Variants in PCDH9 observed in about 807,000 individuals in gnomAD.
PCDH9 encodes protocadherin-9.
In PCDH9, 24 loss-of-function variants were observed where a neutral mutation model predicts 70.6. That is an observed-to-expected ratio of 0.34 (90% CI 0.25 to 0.48). The LOEUF (loss-of-function observed/expected upper bound fraction) is 0.48, where lower values mean the gene tolerates loss of function less well. PCDH9 is among the 20% of genes least tolerant of loss of function. The pLI, the probability that PCDH9 is intolerant of heterozygous loss-of-function variation, is 0.99. For missense variants in PCDH9, 1,281 were observed against 1,503.6 expected, an observed-to-expected ratio of 0.85 and a Z score of 2.45; for synonymous variants, 562 against 558.5, an observed-to-expected ratio of 1.01 and a Z score of -0.09.
chr13:66,824,063 A>AT (rs2080764742), intron 3 of PCDH9, among the ~76,000 whole-genome samples: 1 of 151,924 alleles, frequency 6.6e-6, no homozygotes, highest in African/African-American at 2.4e-5. Flanking sequence ...AATTTCTTTC[A>AT]TAACTTACTG....
chr13:66,551,874 T>C (rs974119173), intron 4 of PCDH9, among the ~76,000 whole-genome samples: 1 of 152,200 alleles, frequency 6.6e-6, no homozygotes, highest in African/African-American at 2.4e-5. Flanking sequence ...TGTTCATTTT[T>C]TCAAATAAAG....
chr13:66,900,617 A>C (rs559294031), intron 3 of PCDH9, among the ~76,000 whole-genome samples: 1 of 151,914 alleles, frequency 6.6e-6, no homozygotes, highest in Admixed American at 6.6e-5. Flanking sequence ...ATCTAAATTA[A>C]GAGTGATAGG....
chr13:67,021,752 G>GATACTCTTAGTGACACTGATATAGGAAAC (rs2084676891), intron 2 of PCDH9, among the ~76,000 whole-genome samples: 1 of 151,916 alleles, frequency 6.6e-6, no homozygotes, highest in Admixed American at 6.6e-5. Context: ...TAGAGACAGG[G>GATACTCTTAGTGACACTGATATAGGAAAC]TTTCACCATG....
intron 3 of PCDH9, among the ~76,000 whole-genome samples, chr13:66,877,541 G>A (rs907386940): frequency 9.9e-5 from 15 of 152,046 alleles, no homozygotes; most frequent in Admixed American, 3.3e-4. Context: ...TTAAACAGGC[G>A]TTTAGGGGTT....
chr13:66,387,497 T>G (rs1332117518), intron 4 of PCDH9, among the ~76,000 whole-genome samples: 1 of 148,088 alleles, frequency 6.8e-6, no homozygotes. Flanking sequence ...GCCATTCTCA[T>G]CACATTGAGT....
At chr13:66,929,418 G>C (rs2139658174) in intron 2 of PCDH9, among the ~76,000 whole-genome samples, 1 of 152,006 alleles carries the variant, frequency 6.6e-6, no homozygotes, top group Admixed American at 6.6e-5. Context: ...CCACCTCCCG[G>C]GTTCAAGCAA....
At chr13:66,511,163 T>A (rs1322268250) in intron 4 of PCDH9, among the ~76,000 whole-genome samples, 3 of 152,152 alleles carry the variant, frequency 2.0e-5, no homozygotes, top group African/African-American at 7.2e-5. Context: ...AACCCTGAAG[T>A]AGTTATGAAA....
chr13:66,866,304 A>C (rs1187491646), intron 3 of PCDH9, among the ~76,000 whole-genome samples: 1 of 151,790 alleles, frequency 6.6e-6, no homozygotes, highest in Non-Finnish European at 1.5e-5. Flanking sequence ...AATACGGTGA[A>C]ACCCCGTCTC....
chr13:66,763,155 G>T (rs924934316), intron 3 of PCDH9, among the ~76,000 whole-genome samples: 8 of 150,020 alleles, frequency 5.3e-5, no homozygotes, highest in Non-Finnish European at 7.4e-5. Flanking sequence ...TATTTGTGTA[G>T]GTATTTACAA....
intron 4 of PCDH9, among the ~76,000 whole-genome samples, chr13:66,532,309 G>A (rs1960500093): frequency 6.6e-6 from 1 of 152,000 alleles, no homozygotes; most frequent in African/African-American, 2.4e-5. Context: ...ACTTTGTAAG[G>A]TGGAAATGCT....
intron 2 of PCDH9, among the ~76,000 whole-genome samples, chr13:67,106,333 T>TA (rs1411117149): frequency 6.6e-6 from 1 of 152,214 alleles, no homozygotes; most frequent in Admixed American, 6.5e-5. Flanking sequence ...TTAAAAGAGT[T>TA]AAGTGTTCCA....
At chr13:66,884,774 T>A (rs193028470) in intron 3 of PCDH9, among the ~76,000 whole-genome samples, 1 of 152,172 alleles carries the variant, frequency 6.6e-6, no homozygotes, top group East Asian at 1.9e-4. Flanking sequence ...TTAAGTTTTA[T>A]CTTCTTTTTC....
At chr13:66,865,007 A>G (rs1007746049) in intron 3 of PCDH9, among the ~76,000 whole-genome samples, 16 of 152,366 alleles carry the variant, frequency 1.1e-4, no homozygotes, top group Admixed American at 2.0e-4. Flanking sequence ...CAAGATCTTT[A>G]AATCAAATTC....
rs1320355654 is a variant in PCDH9, at chr13:67,227,835, T to A, written c.606A>T (p.Pro202=). The change falls in exon 2 of 5, where the codon CCA becomes CCT. Residue 202 remains proline (P), a synonymous_variant. Transcript: ENST00000377865. The surrounding 1 kb of genome is among the most constrained non-coding windows in gnomAD (Gnocchi z 4.6). ...CCAAGTTTTGCTGAACAATCAGTTG[T>A]GGCCACTTCTCTCCCTCTGGAGTTT... ...IVETPEGEKW[P]QLIVQQNLDR... The A allele has an allele frequency of 6.2e-7, 1 of 1,614,084 alleles. No individual in the cohort carries two copies. Among genetic ancestry groups the A allele is most frequent in the South Asian group, 1.1e-5 (1 of 91,066 alleles).
At chr13:66,663,609 C>T (rs2078050497) in intron 3 of PCDH9, among the ~76,000 whole-genome samples, 1 of 152,178 alleles carries the variant, frequency 6.6e-6, no homozygotes, top group Non-Finnish European at 1.5e-5. Context: ...TATATCTTGA[C>T]ACTAATGACC....
intron 3 of PCDH9, among the ~76,000 whole-genome samples, chr13:66,708,404 T>TG (rs1555324398): frequency 0.016 from 264 of 16,904 alleles, no homozygotes; most frequent in African/African-American, 0.025. Flanking sequence ...TGAGATTTAG[T>TG]TTTTTTTTTT....
intron 2 of PCDH9, among the ~76,000 whole-genome samples, chr13:67,149,146 A>C (rs867702232): frequency 4.1e-4 from 62 of 152,302 alleles, no homozygotes; most frequent in African/African-American, 1.5e-3. Flanking sequence ...CTCTTGAAGA[A>C]ATATTAAGAT....
At chr13:66,917,218 A>C (rs1210648185) in intron 2 of PCDH9, among the ~76,000 whole-genome samples, 2 of 151,448 alleles carry the variant, frequency 1.3e-5, no homozygotes, top group Admixed American at 6.6e-5. Context: ...TTCATGTGTA[A>C]ACAAGCATAC....
chr13:66,682,883 C>T (rs1278400016), intron 3 of PCDH9, among the ~76,000 whole-genome samples: 2 of 152,090 alleles, frequency 1.3e-5, no homozygotes, highest in Non-Finnish European at 2.9e-5. Flanking sequence ...CCTGTATGGG[C>T]AAACATCTCA....
Sources: gnomAD v4.1 joint callset for allele counts (sites outside exome capture counted in the v4.1 genomes callset) on GRCh38, gnomAD v4.1.1 for gene constraint, Gnocchi (gnomAD v3.1) non-coding constraint, MANE v1.5 for transcripts, NCBI Gene and HGNC (gene_info 2026-07-23, HGNC 2026-07-21) for gene names.